Variants in TTC6 observed in about 807,000 individuals in gnomAD.
The protein encoded by TTC6 is tetratricopeptide repeat protein 6.
TTC6 carries 172 observed loss-of-function variants against 210.4 expected under a neutral mutation model. That is an observed-to-expected ratio of 0.82 (90% CI 0.72 to 0.93). The LOEUF is 0.93. Ranked by LOEUF, TTC6 falls within the 40% of genes least tolerant of loss-of-function variation. The pLI, the probability that TTC6 is intolerant of heterozygous loss-of-function variation, is 0.00. For synonymous variants in TTC6, 804 were observed against 819.6 expected (o/e 0.98, Z 0.32); for missense variants, 2,414 against 2,318.1 (o/e 1.04, Z -0.85).
intron 14 of TTC6, among the ~76,000 whole-genome samples, chr14:37,754,408 T>C (rs1566932661): frequency 6.6e-6 from 1 of 152,100 alleles, no homozygotes; most frequent in Non-Finnish European, 1.5e-5. Flanking sequence ...GCAAAGGACA[T>C]GAACTCATTC....
intron 1 of TTC6, among the ~76,000 whole-genome samples, chr14:37,636,021 C>T (rs976995385): frequency 1.4e-5 from 2 of 147,546 alleles, no homozygotes; most frequent in Admixed American, 1.4e-4. Flanking sequence ...AGAAAATTAC[C>T]AGAGACAAAC....
At chr14:37,632,594 G>A (rs867022673) in intron 1 of TTC6, among the ~76,000 whole-genome samples, 3 of 152,230 alleles carry the variant, frequency 2.0e-5, no homozygotes, top group African/African-American at 7.2e-5. Context: ...AGGCACGGGG[G>A]TCAGGGACCC....
At chr14:37,612,553 G>T (rs1206963428) in intron 2 of TTC6, among the ~76,000 whole-genome samples, 2 of 152,116 alleles carry the variant, frequency 1.3e-5, no homozygotes, top group Non-Finnish European at 2.9e-5. Flanking sequence ...TTTTTATTGG[G>T]ATTGCATTGA....
At chr14:37,676,895 C>T (rs1401550420) in intron 1 of TTC6, among the ~76,000 whole-genome samples, 3 of 151,970 alleles carry the variant, frequency 2.0e-5, no homozygotes, top group African/African-American at 7.2e-5. Flanking sequence ...TATTTTTGGG[C>T]TTACATTTAT....
chr14:37,760,868 C>T (rs1198478026), intron 14 of TTC6, among the ~76,000 whole-genome samples: 1 of 152,304 alleles, frequency 6.6e-6, no homozygotes, highest in East Asian at 1.9e-4. Context: ...CCTCCCTGCA[C>T]CAAGTTAGAT....
rs1446459144 is a variant in TTC6, at chr14:37,667,507, T to G, written c.940-12644T>G. Among the ~76,000 whole-genome samples the G allele has an allele frequency of 2.0e-5, 3 of 150,624 alleles. 1 individual carries two copies. The highest frequency in any genetic ancestry group is 2.0e-4 in the Admixed American group (3 of 15,100). On this transcript the variant is annotated intron_variant, in intron 1 of 30. Coordinates refer to ENST00000553443, the Ensembl canonical transcript of TTC6. ...TTCCCAAGTAACTCTCCATTACTCA[T>G]GCAAATGAGATTTTGAAAAGTCTGT...
intron 2 of TTC6, among the ~76,000 whole-genome samples, chr14:37,681,466 T>C (rs986531542): frequency 6.6e-6 from 1 of 152,148 alleles, no homozygotes; most frequent in Non-Finnish European, 1.5e-5. Flanking sequence ...TAAACAAAAA[T>C]ATTAATTTAT....
chr14:37,814,601 T>A (rs1198719339), intron 25 of TTC6, among the ~76,000 whole-genome samples: 1 of 152,162 alleles, frequency 6.6e-6, no homozygotes, highest in Non-Finnish European at 1.5e-5. Flanking sequence ...AATGTCCGAT[T>A]GGAATTTTGT....
intron 3 of TTC6, among the ~76,000 whole-genome samples, chr14:37,692,224 A>AAAAAAAAAAAAAAAAAAAG (rs2095805029): frequency 2.8e-5 from 4 of 143,134 alleles, no homozygotes; most frequent in Non-Finnish European, 4.7e-5. Flanking sequence ...AAAAAAAAAA[A>AAAAAAAAAAAAAAAAAAAG]AAAAAAAAGA....
Position 37,598,317 on chromosome 14 carries a change from A to G in TTC6, c.-235+2309A>G, listed in dbSNP as rs1475156424. Reference sequence around the variant, plus strand: ...CGGGTTAAACTTGCCTGTGTTTAAGACGGGTCTGCGACAGCTTGGGGCGGT... The same window carrying G: ...CGGGTTAAACTTGCCTGTGTTTAAGGCGGGTCTGCGACAGCTTGGGGCGGT... On this transcript the variant is annotated intron_variant, in intron 1 of 2. Coordinates refer to the TTC6 transcript ENST00000556845. This position sits in a 1 kb window ranked among gnomAD's most constrained non-coding sequence, Gnocchi z 4.9. 6.6e-6 allele frequency among the ~76,000 whole-genome samples: 1 copy of G among 152,026 alleles called. No individual in the cohort carries two copies. The highest frequency in any genetic ancestry group is 1.5e-5 in the Non-Finnish European group (1 of 68,012).
At chr14:37,725,353 T>C (rs1251217558) in intron 7 of TTC6, among the ~76,000 whole-genome samples, 3 of 135,208 alleles carry the variant, frequency 2.2e-5, no homozygotes, top group African/African-American at 8.6e-5. Flanking sequence ...TATATATATA[T>C]ATATAATTTT....
upstream of TTC6, among the ~76,000 whole-genome samples, chr14:37,621,346 A>G (rs1010843807): frequency 6.6e-6 from 1 of 152,232 alleles, no homozygotes; most frequent in Non-Finnish European, 1.5e-5. Flanking sequence ...ATGGTTGCTC[A>G]TGCCTGTAAT....
At chr14:37,737,718 A>C in exon 9 of TTC6, 1 of 1,515,802 alleles carries the variant, frequency 6.6e-7, no homozygotes, top group South Asian at 1.2e-5. Context: ...TTTAGTGCAC[A>C]ACCTACACAA....
intron 5 of TTC6, among the ~76,000 whole-genome samples, chr14:37,703,214 A>T (rs2095828853): frequency 6.6e-6 from 1 of 152,050 alleles, no homozygotes; most frequent in Non-Finnish European, 1.5e-5. Flanking sequence ...TACAGCTATA[A>T]TTATTCACGC....
At chr14:37,623,839 A>C (rs762607023) in intron 1 of TTC6, among the ~76,000 whole-genome samples, 9 of 152,212 alleles carry the variant, frequency 5.9e-5, no homozygotes, top group Non-Finnish European at 1.3e-4. Context: ...TTTAAGTTTA[A>C]GATATTTTGT....
chr14:37,758,958 T>C (rs1398270994), intron 14 of TTC6, among the ~76,000 whole-genome samples: 1 of 152,134 alleles, frequency 6.6e-6, no homozygotes, highest in African/African-American at 2.4e-5. Flanking sequence ...TTAGTTTGGT[T>C]GGATATGAAA....
chr14:37,616,211 C>A (rs989810799), intron 2 of TTC6, among the ~76,000 whole-genome samples: 1 of 152,154 alleles, frequency 6.6e-6, no homozygotes, highest in Non-Finnish European at 1.5e-5. Flanking sequence ...GGATTATCTT[C>A]TCTGGGTCTC....
chr14:37,687,829 C>G (rs1202565216), intron 3 of TTC6, among the ~76,000 whole-genome samples: 1 of 152,174 alleles, frequency 6.6e-6, no homozygotes, highest in African/African-American at 2.4e-5. Context: ...GGGTGAGACC[C>G]TGAGACTTGC....
At position 37,754,012 on chromosome 14, in the gene TTC6, A is replaced by G. The variant is rs117165254; in HGVS notation, c.3266+777A>G. Reference sequence around the variant, plus strand: ...AAATTTTGTTTTGAAGTGGTTTAAAATATGTATATAATCACGTCTACTGAT... The same window carrying G: ...AAATTTTGTTTTGAAGTGGTTTAAAGTATGTATATAATCACGTCTACTGAT... On this transcript the variant is annotated intron_variant, in intron 14 of 30. Transcript: ENST00000553443. 2.0e-5 allele frequency among the ~76,000 whole-genome samples: 3 copies of G among 152,202 alleles called. No homozygotes were observed. In the East Asian group the frequency reaches 5.8e-4, roughly 29 times the overall value.
Sources: gnomAD v4.1 joint callset for allele counts (sites outside exome capture counted in the v4.1 genomes callset) on GRCh38, gnomAD v4.1.1 for gene constraint, Gnocchi (gnomAD v3.1) non-coding constraint, MANE v1.5 for transcripts, NCBI Gene and HGNC (gene_info 2026-07-23, HGNC 2026-07-21) for gene names.